Variants in BMP2K observed in about 807,000 individuals in gnomAD.
The protein encoded by BMP2K is BMP2 inducible kinase.
A neutral mutation model predicts 116.0 loss-of-function variants in BMP2K; 74 were observed. The observed-to-expected ratio is 0.64, with a 90% CI of 0.53 to 0.77. The LOEUF is 0.77. BMP2K is among the 30% of genes least tolerant of loss of function. The pLI, the probability that BMP2K is intolerant of heterozygous loss-of-function variation, is 0.00. For synonymous variants in BMP2K, 486 were observed against 502.5 expected (o/e 0.97, Z 0.44); for missense variants, 1,365 against 1,403.6 (o/e 0.97, Z 0.44).
intron 1 of BMP2K, among the ~76,000 whole-genome samples, chr4:78,801,194 A>G (rs1234242853): frequency 1.3e-5 from 2 of 152,092 alleles, no homozygotes; most frequent in African/African-American, 2.4e-5. Context: ...ATTAAAATCT[A>G]TTTTTAGATT....
At chr4:78,906,235 A>G (rs1342188833) in intron 15 of BMP2K, 2 of 152,252 alleles carry the variant, frequency 1.3e-5, no homozygotes, top group East Asian at 3.9e-4. Flanking sequence ...TTTACTTTTT[A>G]TAAGTTTATA....
At chr4:78,785,927 C>G (rs1029805857) in intron 1 of BMP2K, among the ~76,000 whole-genome samples, 3 of 152,130 alleles carry the variant, frequency 2.0e-5, no homozygotes, top group African/African-American at 7.2e-5. Flanking sequence ...CTTGCCTAAC[C>G]AAGTAAAGTA....
intron 13 of BMP2K, among the ~76,000 whole-genome samples, chr4:78,874,212 A>T (rs191082101): frequency 4.5e-4 from 69 of 151,840 alleles, no homozygotes; most frequent in African/African-American, 1.5e-3. Flanking sequence ...AAAAGTTCAG[A>T]TCAGTATTTG....
chr4:78,805,156 A>G (rs1016329515), intron 1 of BMP2K, among the ~76,000 whole-genome samples: 1 of 152,190 alleles, frequency 6.6e-6, no homozygotes, highest in Non-Finnish European at 1.5e-5. Flanking sequence ...AGCACCATTT[A>G]TTGAAAAGGT....
At chr4:78,833,778 C>A in intron 3 of BMP2K, 91 bp downstream of exon 3, 1 of 781,684 alleles carries the variant, frequency 1.3e-6, no homozygotes. Context: ...TAGCTGCTAA[C>A]TAATTCTAGT....
At chr4:78,897,736 C>T (rs892981230) in intron 15 of BMP2K, among the ~76,000 whole-genome samples, 1 of 152,064 alleles carries the variant, frequency 6.6e-6, no homozygotes, top group African/African-American at 2.4e-5. Context: ...TTTCTTCTAC[C>T]TTCTAATTTC....
At chr4:78,898,341 G>C (rs1196468106) in intron 15 of BMP2K, among the ~76,000 whole-genome samples, 1 of 151,870 alleles carries the variant, frequency 6.6e-6, no homozygotes, top group Non-Finnish European at 1.5e-5. Context: ...GTCCACTGCT[G>C]GGCCATTTTA....
intron 15 of BMP2K, among the ~76,000 whole-genome samples, chr4:78,910,358 C>T (rs1210276738): frequency 2.0e-5 from 3 of 152,132 alleles, no homozygotes; most frequent in African/African-American, 4.8e-5. Flanking sequence ...ATTTGGCTGT[C>T]AGTGAGAGTA....
chr4:78,889,220 CAAAAAA>C (rs71661191), intron 15 of BMP2K, among the ~76,000 whole-genome samples: 1 of 53,754 alleles, frequency 1.9e-5, no homozygotes, highest in Non-Finnish European at 4.0e-5. Flanking sequence ...GACTCTGTCT[CAAAAAA>C]AAAAAAAAAA....
intron 1 of BMP2K, among the ~76,000 whole-genome samples, chr4:78,800,790 CTTTG>C (rs1289087874): frequency 6.6e-6 from 1 of 151,930 alleles, no homozygotes; most frequent in African/African-American, 2.4e-5. Context: ...GATTGAATTG[CTTTG>C]TTTGTATACA....
rs533144254 is a variant in BMP2K, at chr4:78,826,150, A to G, written c.292A>G (p.Ile98Val). ...DLNVCKREIT[I>V]MKELSGHKNI... ...CAATGTTTGTAAAAGGGAAATTACA[A>G]TTATGGTAAGTGAAGGAGTAGTTCT... The change falls in exon 2 of 16, where the codon ATT (isoleucine) becomes GTT (valine). Residue 98 changes from isoleucine (I) to valine (V), a missense_variant. By Grantham distance (29) the Ile-to-Val change is conservative. Transcript: ENST00000502613. 60 of 1,608,032 alleles carry G rather than the reference A, an allele frequency of 3.7e-5. No homozygotes were observed. The highest frequency in any genetic ancestry group is 7.7e-5 in the South Asian group (7 of 90,548).
rs1732003339 is a variant in BMP2K at position 78,865,549 on chromosome 4, T to C, written c.1068-8T>C. ...GTATTTAGAATGAAATATATTCTTCTGTTGTAGAATAACAGATACCATTGG... is the reference window on the plus strand; with the variant it reads ...GTATTTAGAATGAAATATATTCTTCCGTTGTAGAATAACAGATACCATTGG... On this transcript the variant is annotated splice_polypyrimidine_tract_variant and splice_region_variant and intron_variant, in intron 9 of 15. Coordinates refer to ENST00000502613, the MANE Select transcript of BMP2K (RefSeq NM_198892.2). 4 of 1,612,344 alleles carry C rather than the reference T, an allele frequency of 2.5e-6. No homozygotes were observed. In the East Asian group the frequency reaches 8.9e-5, roughly 36 times the overall value.
intron 15 of BMP2K, among the ~76,000 whole-genome samples, chr4:78,891,865 T>C (rs1189533587): frequency 6.6e-6 from 1 of 152,184 alleles, no homozygotes; most frequent in Non-Finnish European, 1.5e-5. Flanking sequence ...AGAAATCCTT[T>C]AGTTTGATAC....
chr4:78,862,013 A>G (rs1380737837), intron 9 of BMP2K, among the ~76,000 whole-genome samples: 1 of 151,896 alleles, frequency 6.6e-6, no homozygotes, highest in Non-Finnish European at 1.5e-5. Context: ...TCTGTTAATG[A>G]TTGATTTTTC....
intron 1 of BMP2K, among the ~76,000 whole-genome samples, chr4:78,781,860 C>T (rs951711773): frequency 5.3e-5 from 8 of 152,010 alleles, no homozygotes; most frequent in East Asian, 1.9e-4. Context: ...TGATTTCGAG[C>T]GGGCGAAGAA....
At position 78,871,353 on chromosome 4, in the gene BMP2K, G is replaced by A. The variant is rs113718161; in HGVS notation, c.1509+293G>A. ...TATAATGAATATTATCTGAGGTTAC[G>A]TTTTGAGTTCACAGACTAATAATGC... On this transcript the variant is annotated intron_variant, in intron 11 of 15. Transcript: ENST00000502613. Among the ~76,000 whole-genome samples the A allele has an allele frequency of 2.6e-5, 4 of 152,248 alleles. 1 individual carries two copies. The highest frequency in any genetic ancestry group is 1.9e-4 in the East Asian group (1 of 5,184).
chr4:78,903,998 T>C (rs10022528), intron 15 of BMP2K, among the ~76,000 whole-genome samples: 10,268 of 151,932 alleles, frequency 0.068, 1,102 homozygotes, highest in African/African-American at 0.23. Context: ...ATTTCTTACG[T>C]ATAAAAAGAT....
At chr4:78,822,307 A>G (rs928274197) in intron 1 of BMP2K, among the ~76,000 whole-genome samples, 8 of 152,176 alleles carry the variant, frequency 5.3e-5, no homozygotes, top group Non-Finnish European at 1.0e-4. Context: ...TAGGTGTCCT[A>G]TGAAATTATT....
intron 11 of BMP2K, 34 bp from the exon 12 acceptor site, chr4:78,871,816 C>A: frequency 6.9e-7 from 1 of 1,457,850 alleles, no homozygotes; most frequent in Non-Finnish European, 9.6e-7. Context: ...ACAAAAAAGG[C>A]ATAACATTTA....
Sources: gnomAD v4.1 joint callset for allele counts (sites outside exome capture counted in the v4.1 genomes callset) on GRCh38, gnomAD v4.1.1 for gene constraint, MANE v1.5 for transcripts, NCBI Gene and HGNC (gene_info 2026-07-23, HGNC 2026-07-21) for gene names.